Variants in VTCN1 observed in about 807,000 individuals in gnomAD.
VTCN1 encodes V-set domain containing T cell activation inhibitor 1.
Under a neutral mutation model 26.5 loss-of-function variants are expected in VTCN1, and 26 were observed. That is an observed-to-expected ratio of 0.98 (90% confidence interval 0.72 to 1.36). The LOEUF (loss-of-function observed/expected upper bound fraction) is 1.36, where lower values mean the gene tolerates loss of function less well. Among genes scored for constraint, VTCN1 ranks in the 40% most tolerant of loss-of-function variants. VTCN1 has a pLI of 0.00. For synonymous variants in VTCN1, 116 were observed against 130.7 expected, an observed-to-expected ratio of 0.89 and a Z score of 0.77; for missense variants, 298 against 337.7, an observed-to-expected ratio of 0.88 and a Z score of 0.92.
At chr1:117,165,430 G>A (rs1366797585) in intron 2 of VTCN1, among the ~76,000 whole-genome samples, 2 of 152,158 alleles carry the variant, frequency 1.3e-5, no homozygotes, top group African/African-American at 2.4e-5. Flanking sequence ...ATTGGAGGAG[G>A]TGCCTGGTGG....
Position 117,146,597 on chromosome 1 carries a change from A to T in VTCN1, c.*45+1016T>A, listed in dbSNP as rs188986087. Among the ~76,000 whole-genome samples, 1 of 152,332 alleles carries T rather than the reference A, an allele frequency of 6.6e-6. No individual in the cohort carries two copies. The highest frequency in any genetic ancestry group is 6.5e-5 in the Admixed American group (1 of 15,294). ...GGAAGTAGTGGGTATAAATTGCCACAGAGTAGAGAAGATTTCCAGGAAAAG... is the reference window on the plus strand; with the variant it reads ...GGAAGTAGTGGGTATAAATTGCCACTGAGTAGAGAAGATTTCCAGGAAAAG... On this transcript the variant is annotated intron_variant, in intron 5 of 5. Coordinates refer to ENST00000369458, the MANE Select transcript of VTCN1 (RefSeq NM_024626.4). The surrounding 1 kb of genome is among the most constrained non-coding windows in gnomAD (Gnocchi z 4.2).
At chr1:117,200,358 T>C (rs1648731049) in intron 1 of VTCN1, among the ~76,000 whole-genome samples, 1 of 152,184 alleles carries the variant, frequency 6.6e-6, no homozygotes, top group Non-Finnish European at 1.5e-5. Flanking sequence ...ATGATCTCAC[T>C]GCTGCCTTCC....
At chr1:117,192,578 T>C (rs1361087889) in intron 1 of VTCN1, among the ~76,000 whole-genome samples, 1 of 152,178 alleles carries the variant, frequency 6.6e-6, no homozygotes, top group South Asian at 2.1e-4. Flanking sequence ...TAAATATAAC[T>C]ATAGCTATAA....
intron 1 of VTCN1, among the ~76,000 whole-genome samples, chr1:117,204,070 A>C (rs1648922648): frequency 6.6e-6 from 1 of 152,208 alleles, no homozygotes; most frequent in Non-Finnish European, 1.5e-5. Context: ...TTGAAATCCC[A>C]AAAGATTCCA....
chr1:117,182,430 T>C (rs1294314988), intron 1 of VTCN1, among the ~76,000 whole-genome samples: 6 of 152,180 alleles, frequency 3.9e-5, no homozygotes, highest in Admixed American at 3.3e-4. Flanking sequence ...TGTGAGAATT[T>C]AGGTATGAAA....
chr1:117,170,670 C>T (rs911829329), intron 1 of VTCN1, among the ~76,000 whole-genome samples: 4 of 152,008 alleles, frequency 2.6e-5, no homozygotes, highest in South Asian at 2.1e-4. Context: ...TACTGCACTC[C>T]GTAAGTCATC....
At chr1:117,192,602 A>T (rs1648298274) in intron 1 of VTCN1, among the ~76,000 whole-genome samples, 1 of 152,212 alleles carries the variant, frequency 6.6e-6, no homozygotes, top group Non-Finnish European at 1.5e-5. Context: ...CTTAATGGGT[A>T]TACACTATTA....
At chr1:117,205,319 T>C (rs1297158669) in intron 1 of VTCN1, among the ~76,000 whole-genome samples, 1 of 151,816 alleles carries the variant, frequency 6.6e-6, no homozygotes, top group Non-Finnish European at 1.5e-5. Flanking sequence ...CACACCTTGT[T>C]GATTTTTGTA....
chr1:117,160,306 T>C (rs1199620408), intron 2 of VTCN1, among the ~76,000 whole-genome samples: 8 of 152,234 alleles, frequency 5.3e-5, no homozygotes, highest in African/African-American at 1.9e-4. Context: ...CAAGTCTCTC[T>C]TTCTTACAGC....
At chr1:117,205,157 T>TATATAG (rs112844786) in intron 1 of VTCN1, among the ~76,000 whole-genome samples, 1,695 of 137,964 alleles carry the variant, frequency 0.012, 22 homozygotes, top group African/African-American at 0.014. Flanking sequence ...TATATATATA[T>TATATAG]AGAGAGAGAG....
At chr1:117,198,163 A>G (rs1648610404) in intron 1 of VTCN1, among the ~76,000 whole-genome samples, 1 of 152,198 alleles carries the variant, frequency 6.6e-6, no homozygotes, top group Non-Finnish European at 1.5e-5. Flanking sequence ...TTCAACTCTC[A>G]TCTTCCACTT....
At chr1:117,204,458 G>A (rs939233418) in intron 1 of VTCN1, among the ~76,000 whole-genome samples, 1 of 152,172 alleles carries the variant, frequency 6.6e-6, no homozygotes, top group Non-Finnish European at 1.5e-5. Flanking sequence ...AAGTAAGTAT[G>A]TATGAAGTCT....
chr1:117,193,443 T>C (rs1175548507), intron 1 of VTCN1, among the ~76,000 whole-genome samples: 3 of 152,086 alleles, frequency 2.0e-5, no homozygotes, highest in Non-Finnish European at 4.4e-5. Context: ...AGAAGAGCAA[T>C]GGCTATGCTT....
In VTCN1 at chr1:117,144,063, G is replaced by C. The variant is rs1053148979; in HGVS notation, c.*1208C>G. The C allele has an allele frequency of 6.6e-6, 1 of 152,202 alleles. No homozygotes were observed. Among genetic ancestry groups the C allele is most frequent in the Non-Finnish European group, 1.5e-5 (1 of 68,052 alleles). The allele number at this position is 152,202 out of a possible 1,614,324, so 9.4% of individuals were successfully genotyped here. A position where few individuals can be genotyped will look rare whatever the true frequency, so the allele number is the denominator to read the frequency against. ...ACTGAGAGATGTTATCCTGGTGCCCGATAGAGTTCTGGCTCTCTGTGCTGA... is the reference window on the plus strand; with the variant it reads ...ACTGAGAGATGTTATCCTGGTGCCCCATAGAGTTCTGGCTCTCTGTGCTGA... On this transcript the variant is annotated 3_prime_UTR_variant, in exon 6 of 6. Transcript: ENST00000369458.
intron 1 of VTCN1, among the ~76,000 whole-genome samples, chr1:117,198,610 C>T (rs891134484): frequency 3.9e-5 from 6 of 152,256 alleles, no homozygotes; most frequent in East Asian, 1.9e-4. Flanking sequence ...AGGGCTGCAT[C>T]GCCTCCTGCA....
At chr1:117,198,291 T>C (rs546183564) in intron 1 of VTCN1, among the ~76,000 whole-genome samples, 5 of 152,262 alleles carry the variant, frequency 3.3e-5, no homozygotes, top group Non-Finnish European at 7.3e-5. Flanking sequence ...CATACTAACA[T>C]GTGAATGACA....
rs1248358199 is a variant in VTCN1 at position 117,210,848 on chromosome 1, G to A, written c.8C>T (p.Ser3Phe). 5.0e-6 allele frequency: 8 copies of A among 1,614,046 alleles called. No individual in the cohort carries two copies. Among genetic ancestry groups the A allele is most frequent in the Non-Finnish European group, 6.8e-6 (8 of 1,180,002 alleles). The change falls in exon 1 of 6, where the codon TCC becomes TTC. Residue 3 changes from serine (S) to phenylalanine (F), a missense_variant. Transcript: ENST00000369458. The stretch of plus-strand genomic sequence containing the variant: ...CCTCCAGAAGAGGATCTGCCCCAGG[G>A]AAGCCATGGCTGGGGAAGGTTCCCA... Reference protein sequence around the residue: MASLGQILFWSII... With the variant: MAFLGQILFWSII...
At chr1:117,203,894 T>G (rs946634380) in intron 1 of VTCN1, 4 of 537,970 alleles carry the variant, frequency 7.4e-6, no homozygotes, top group Non-Finnish European at 4.8e-6. Flanking sequence ...AATTTGCATC[T>G]CTAATAGTTC....
chr1:117,145,494 A>G lies in VTCN1; in HGVS notation c.*46-269T>C, dbSNP rs1386170110. On this transcript the variant is annotated intron_variant, in intron 5 of 5. Transcript: ENST00000369458. The surrounding 1 kb of genome is among the most constrained non-coding windows in gnomAD (Gnocchi z 4.6). ...AGATGGGTCCTTATAGTAAATGAGA[A>G]CTGAGAGGAGTCTGGGCAGGCTCCT... is the stretch of plus-strand genomic sequence containing the variant. Among the ~76,000 whole-genome samples, 1 of 152,192 alleles carries G rather than the reference A, an allele frequency of 6.6e-6. No homozygotes were observed. Among genetic ancestry groups the G allele is most frequent in the Non-Finnish European group, 1.5e-5 (1 of 68,028 alleles).
Sources: allele counts gnomAD v4.1 joint callset (sites outside exome capture counted in the v4.1 genomes callset), GRCh38; gene constraint gnomAD v4.1.1; non-coding constraint Gnocchi (gnomAD v3.1); transcripts MANE v1.5; gene names NCBI Gene and HGNC (gene_info 2026-07-23, HGNC 2026-07-21).